The following NUBPL variants were observed in gnomAD, a reference collection of about 807,000 sequenced individuals.
NUBPL encodes the protein NUBP iron-sulfur cluster assembly factor, mitochondrial.
Under a neutral mutation model 45.7 loss-of-function variants are expected in NUBPL, and 31 were observed. The observed-to-expected ratio is 0.68, with a 90% CI of 0.51 to 0.92. The LOEUF is 0.92. NUBPL is among the 40% of genes least tolerant of loss of function. The pLI, the probability that NUBPL is intolerant of heterozygous loss-of-function variation, is 0.00. For synonymous variants in NUBPL, 144 were observed against 140.9 expected, an observed-to-expected ratio of 1.02 and a Z score of -0.15; for missense variants, 401 against 398.7, an observed-to-expected ratio of 1.01 and a Z score of -0.05.
intron 8 of NUBPL, 105 bp from the exon 9 acceptor site, chr14:31,846,366 G>C (rs2040452370): frequency 1.2e-6 from 1 of 867,012 alleles, no homozygotes; most frequent in East Asian, 2.7e-5. Context: ...TGATAACATT[G>C]ATGAGTGCCA....
chr14:31,858,278 A>G (rs377470855), intron 10 of NUBPL, among the ~76,000 whole-genome samples: 1 of 152,196 alleles, frequency 6.6e-6, no homozygotes, highest in Non-Finnish European at 1.5e-5. Flanking sequence ...TCCACAACAC[A>G]TGGGAACTGT....
At chr14:31,690,849 A>G (rs560763049) in intron 6 of NUBPL, among the ~76,000 whole-genome samples, 2 of 152,346 alleles carry the variant, frequency 1.3e-5, no homozygotes, top group East Asian at 3.9e-4. Flanking sequence ...CTTGTTGGAG[A>G]TGAGTGCTTC....
At chr14:31,817,518 A>T (rs2039941944) in intron 7 of NUBPL, among the ~76,000 whole-genome samples, 1 of 152,234 alleles carries the variant, frequency 6.6e-6, no homozygotes, top group South Asian at 2.1e-4. Flanking sequence ...AGTAGTAGCC[A>T]ATACTCAACA....
At chr14:31,722,468 T>G (rs557294526) in intron 6 of NUBPL, among the ~76,000 whole-genome samples, 1 of 152,318 alleles carries the variant, frequency 6.6e-6, no homozygotes, top group African/African-American at 2.4e-5. Context: ...GTAATGGGAT[T>G]GCTGGGTCAA....
chr14:31,685,660 T>G (rs978929099), intron 6 of NUBPL, among the ~76,000 whole-genome samples: 1 of 152,166 alleles, frequency 6.6e-6, no homozygotes, highest in Non-Finnish European at 1.5e-5. Flanking sequence ...AGGTAAGTTA[T>G]TTTTGAAAAA....
At chr14:31,620,813 C>A (rs2139631572) in intron 4 of NUBPL, among the ~76,000 whole-genome samples, 1 of 152,308 alleles carries the variant, frequency 6.6e-6, no homozygotes, top group South Asian at 2.1e-4. Context: ...GAACACTGTG[C>A]TGGGAGATCT....
rs184431741 is a variant in NUBPL at position 31,716,393 on chromosome 14, G to A, written c.513+42819G>A. ...TATATGTTACACTTTTATGTGACTG[G>A]CAGTGCAGTAGATTTGTTTATACCA... is the stretch of plus-strand genomic sequence containing the variant. On this transcript the variant is annotated intron_variant, in intron 6 of 10. Transcript: ENST00000281081. 1.1e-3 allele frequency among the ~76,000 whole-genome samples: 168 copies of A among 152,206 alleles called. 1 individual carries two copies. The highest frequency in any genetic ancestry group is 2.3e-3 in the Admixed American group (35 of 15,288).
chr14:31,757,276 G>T (rs1243972048), intron 6 of NUBPL, among the ~76,000 whole-genome samples: 2 of 148,740 alleles, frequency 1.3e-5, no homozygotes, highest in East Asian at 4.0e-4. Context: ...AGAAGGAATG[G>T]TACCAGTTCC....
At chr14:31,827,494 C>A (rs1303799754) in intron 8 of NUBPL, among the ~76,000 whole-genome samples, 1 of 152,052 alleles carries the variant, frequency 6.6e-6, no homozygotes, top group African/African-American at 2.4e-5. Flanking sequence ...AGGGTTCTTC[C>A]TTCTAGTGTG....
At chr14:31,700,689 G>A (rs1429223517) in intron 6 of NUBPL, among the ~76,000 whole-genome samples, 1 of 152,172 alleles carries the variant, frequency 6.6e-6, no homozygotes, top group African/African-American at 2.4e-5. Flanking sequence ...TAGCACCTGG[G>A]CCAGCAGCTG....
chr14:31,766,511 A>G (rs908242999), intron 6 of NUBPL, among the ~76,000 whole-genome samples: 3 of 152,206 alleles, frequency 2.0e-5, no homozygotes, highest in Non-Finnish European at 4.4e-5. Flanking sequence ...AATTTCTCTG[A>G]GTGTTTAAAC....
chr14:31,747,280 C>T (rs949434980), intron 6 of NUBPL, among the ~76,000 whole-genome samples: 11 of 151,384 alleles, frequency 7.3e-5, no homozygotes, highest in African/African-American at 7.3e-5. Flanking sequence ...TGACTACAGG[C>T]GCCTGCCACC....
At chr14:31,619,998 A>C (rs12432746) in intron 4 of NUBPL, among the ~76,000 whole-genome samples, 45,947 of 151,172 alleles carry the variant, frequency 0.3, 7,692 homozygotes, top group South Asian at 0.41. Flanking sequence ...CTCTTTTTTC[A>C]CTAATCTTCT....
intron 6 of NUBPL, among the ~76,000 whole-genome samples, chr14:31,720,066 G>A (rs1402709416): frequency 6.6e-6 from 1 of 152,056 alleles, no homozygotes; most frequent in Non-Finnish European, 1.5e-5. Context: ...AATCCCTTTA[G>A]CCAATGTGGA....
At chr14:31,837,243 T>C (rs4981129) in intron 8 of NUBPL, among the ~76,000 whole-genome samples, 63,863 of 151,912 alleles carry the variant, frequency 0.42, 13,833 homozygotes, top group South Asian at 0.54. Flanking sequence ...ATCGCCTGAG[T>C]CCGGGAGTTG....
At chr14:31,701,882 A>G (rs1204741537) in intron 6 of NUBPL, among the ~76,000 whole-genome samples, 1 of 152,200 alleles carries the variant, frequency 6.6e-6, no homozygotes, top group Non-Finnish European at 1.5e-5. Flanking sequence ...GATTACTTTC[A>G]AATCATTTTT....
At chr14:31,793,105 C>T (rs2039412248) in intron 7 of NUBPL, among the ~76,000 whole-genome samples, 1 of 152,056 alleles carries the variant, frequency 6.6e-6, no homozygotes, top group Admixed American at 6.6e-5. Flanking sequence ...TTCTTATGTC[C>T]CATATCCCAT....
intron 4 of NUBPL, among the ~76,000 whole-genome samples, chr14:31,663,305 G>C (rs183161943): frequency 6.6e-6 from 1 of 152,162 alleles, no homozygotes; most frequent in Non-Finnish European, 1.5e-5. Context: ...TAGTCATGAA[G>C]TCTTTGCCCA....
intron 6 of NUBPL, among the ~76,000 whole-genome samples, chr14:31,755,972 T>C (rs2138706045): frequency 6.6e-6 from 1 of 152,286 alleles, no homozygotes; most frequent in Non-Finnish European, 1.5e-5. Flanking sequence ...TCCCCATTGC[T>C]TATTTTTCTC....
Sources: gnomAD v4.1 joint callset for allele counts (sites outside exome capture counted in the v4.1 genomes callset) on GRCh38, gnomAD v4.1.1 for gene constraint, MANE v1.5 for transcripts, NCBI Gene and HGNC (gene_info 2026-07-23, HGNC 2026-07-21) for gene names.